LRRC4C: variants seen among roughly 807,000 people sequenced by gnomAD.
The protein encoded by LRRC4C is leucine rich repeat containing 4C, also known as leucine-rich repeat-containing protein 4C.
Under a neutral mutation model 33.6 loss-of-function variants are expected in LRRC4C, and 5 were observed. The ratio of observed to expected loss-of-function variants is 0.15; its 90% CI spans 0.08 to 0.31. The LOEUF is 0.31. Among genes scored for constraint, LRRC4C ranks in the 10% least tolerant of loss-of-function variants. LRRC4C has a pLI of 1.00. For synonymous variants in LRRC4C, 329 were observed against 302.0 expected (o/e 1.09, Z -0.93); for missense variants, 560 against 796.7 (o/e 0.70, Z 3.58).
At chr11:40,125,158 C>T in intron 6 of LRRC4C, among the ~76,000 whole-genome samples, 1 of 152,026 alleles carries the variant, frequency 6.6e-6, no homozygotes, top group Admixed American at 6.6e-5. Flanking sequence ...GAACATGTGA[C>T]ACAATTTGGC....
intron 1 of LRRC4C, among the ~76,000 whole-genome samples, chr11:41,094,025 C>T (rs968902428): frequency 2.8e-4 from 42 of 150,222 alleles, no homozygotes; most frequent in Admixed American, 2.5e-3. Flanking sequence ...AGGAGAATTG[C>T]TTGAACCCGG....
chr11:40,753,874 A>T (rs1172361234), intron 2 of LRRC4C, among the ~76,000 whole-genome samples: 4 of 151,982 alleles, frequency 2.6e-5, no homozygotes, highest in Non-Finnish European at 5.9e-5. Context: ...AATTGAAACT[A>T]CAATGAGATA....
chr11:40,493,269 G>A (rs11035871), intron 3 of LRRC4C, among the ~76,000 whole-genome samples: 19,343 of 151,920 alleles, frequency 0.13, 1,395 homozygotes, highest in African/African-American at 0.18. Context: ...GTATAGGCTT[G>A]TACTATATAA....
intron 1 of LRRC4C, among the ~76,000 whole-genome samples, chr11:41,199,861 T>G (rs1396995314): frequency 6.6e-6 from 1 of 152,100 alleles, no homozygotes; most frequent in Non-Finnish European, 1.5e-5. Flanking sequence ...AGTCACCCCC[T>G]AAGTGATGGA....
chr11:40,354,101 T>C (rs1947545152), intron 3 of LRRC4C, among the ~76,000 whole-genome samples: 1 of 152,182 alleles, frequency 6.6e-6, no homozygotes, highest in Non-Finnish European at 1.5e-5. Context: ...ATTCTGTGAC[T>C]CTTGCAGACT....
chr11:40,906,525 G>A (rs1246600156), intron 2 of LRRC4C, among the ~76,000 whole-genome samples: 1 of 151,898 alleles, frequency 6.6e-6, no homozygotes, highest in Admixed American at 6.6e-5. Context: ...CAAACAAACA[G>A]ACAAACAAAC....
intron 1 of LRRC4C, among the ~76,000 whole-genome samples, chr11:41,382,003 G>T (rs1478982115): frequency 2.0e-5 from 3 of 151,514 alleles, no homozygotes; most frequent in Non-Finnish European, 4.4e-5. Context: ...AAAAACAAGA[G>T]AAATAGTAAA....
intron 1 of LRRC4C, among the ~76,000 whole-genome samples, chr11:41,331,497 A>G (rs973906531): frequency 1.3e-5 from 2 of 152,186 alleles, no homozygotes; most frequent in African/African-American, 2.4e-5. Flanking sequence ...ATTAAATGTG[A>G]GTATCCTGAA....
At chr11:40,632,241 A>G (rs1963534698) in intron 3 of LRRC4C, among the ~76,000 whole-genome samples, 1 of 152,214 alleles carries the variant, frequency 6.6e-6, no homozygotes, top group South Asian at 2.1e-4. Flanking sequence ...GCTGGCCCAG[A>G]CTCAAAAATA....
intron 1 of LRRC4C, among the ~76,000 whole-genome samples, chr11:41,209,476 T>G (rs2136305994): frequency 6.6e-6 from 1 of 151,616 alleles, no homozygotes; most frequent in Non-Finnish European, 1.5e-5. Context: ...GTCTAATATA[T>G]ATTTGATTTA....
At chr11:40,954,883 C>T (rs1958890367) in intron 1 of LRRC4C, among the ~76,000 whole-genome samples, 1 of 151,736 alleles carries the variant, frequency 6.6e-6, no homozygotes, top group South Asian at 2.1e-4. Flanking sequence ...TACAGAAGCC[C>T]CTGTTGGTTT....
At chr11:40,619,169 T>G (rs1283165323) in intron 3 of LRRC4C, among the ~76,000 whole-genome samples, 1 of 151,720 alleles carries the variant, frequency 6.6e-6, no homozygotes, top group East Asian at 1.9e-4. Flanking sequence ...TGGAGATGGT[T>G]AATTGGTACA....
At chr11:41,447,092 G>A (rs1357466176) in intron 1 of LRRC4C, among the ~76,000 whole-genome samples, 1 of 152,130 alleles carries the variant, frequency 6.6e-6, no homozygotes, top group Non-Finnish European at 1.5e-5. Flanking sequence ...TTAGCATAAA[G>A]CATGCTATGA....
intron 2 of LRRC4C, among the ~76,000 whole-genome samples, chr11:40,807,998 C>G (rs762812450): frequency 1.3e-5 from 2 of 152,076 alleles, no homozygotes. Flanking sequence ...CTGCTAATTA[C>G]CAGTTTTTTT....
intron 1 of LRRC4C, among the ~76,000 whole-genome samples, chr11:41,117,766 A>G (rs1942214359): frequency 6.6e-6 from 1 of 152,162 alleles, no homozygotes; most frequent in Non-Finnish European, 1.5e-5. Flanking sequence ...AAATGGTGCA[A>G]TAGGACCATT....
At chr11:40,215,330 T>G (rs879397894) in intron 5 of LRRC4C, among the ~76,000 whole-genome samples, 4 of 152,118 alleles carry the variant, frequency 2.6e-5, no homozygotes, top group Non-Finnish European at 4.4e-5. Flanking sequence ...GTGCAAAGTT[T>G]CCTGAACGCT....
At chr11:40,984,766 A>AG (rs1443129648) in intron 1 of LRRC4C, among the ~76,000 whole-genome samples, 1 of 151,992 alleles carries the variant, frequency 6.6e-6, no homozygotes, top group East Asian at 1.9e-4. Flanking sequence ...ACTTTCATGG[A>AG]GGGAAGTTGG....
chr11:40,971,540 G>A (rs1226562027), intron 1 of LRRC4C, among the ~76,000 whole-genome samples: 1 of 152,172 alleles, frequency 6.6e-6, no homozygotes, highest in Admixed American at 6.5e-5. Context: ...CTTTGGGGGT[G>A]GAGTCCTCAC....
chr11:41,202,193 A>C (rs1946426799), intron 1 of LRRC4C, among the ~76,000 whole-genome samples: 1 of 152,156 alleles, frequency 6.6e-6, no homozygotes, highest in African/African-American at 2.4e-5. Flanking sequence ...AAGCCCCCAA[A>C]TACTAAGTTT....
Sources: gnomAD v4.1 joint callset for allele counts (sites outside exome capture counted in the v4.1 genomes callset) on GRCh38, gnomAD v4.1.1 for gene constraint, MANE v1.5 for transcripts, NCBI Gene and HGNC (gene_info 2026-07-23, HGNC 2026-07-21) for gene names.